The following CRY1 variants were observed in gnomAD, a reference collection of about 807,000 sequenced individuals.
CRY1 encodes cryptochrome circadian regulator 1, also known as cryptochrome-1.
In CRY1, 45 loss-of-function variants were observed where a neutral mutation model predicts 76.0. The observed-to-expected ratio is 0.59, with a 90% CI of 0.47 to 0.76. The LOEUF (loss-of-function observed/expected upper bound fraction) is 0.76, where lower values mean the gene tolerates loss of function less well. Among genes scored for constraint, CRY1 ranks in the 30% least tolerant of loss-of-function variants. CRY1 has a pLI of 0.00. For missense variants in CRY1, 587 were observed against 716.4 expected (o/e 0.82, Z 2.06); for synonymous variants, 248 against 244.0 (o/e 1.02, Z -0.15).
intron 1 of CRY1, among the ~76,000 whole-genome samples, chr12:107,026,114 ATATATAT>A (rs1353422648): frequency 2.3e-5 from 1 of 42,732 alleles, no homozygotes; most frequent in Non-Finnish European, 5.1e-5. Context: ...TATATAAAAT[ATATATAT>A]TATATATAAT....
intron 2 of CRY1, among the ~76,000 whole-genome samples, chr12:107,010,305 T>C (rs1444711055): frequency 1.3e-5 from 2 of 152,190 alleles, no homozygotes; most frequent in Admixed American, 1.3e-4. Flanking sequence ...ATCAATTTTA[T>C]TAATGTTTTC....
At chr12:107,035,711 T>C (rs914804838) in intron 1 of CRY1, among the ~76,000 whole-genome samples, 2 of 152,196 alleles carry the variant, frequency 1.3e-5, no homozygotes, top group East Asian at 1.9e-4. Context: ...ATAATTTTTA[T>C]GGAGAAAACT....
intron 1 of CRY1, among the ~76,000 whole-genome samples, chr12:107,070,468 A>G (rs1565843047): frequency 2.6e-5 from 4 of 152,180 alleles, no homozygotes; most frequent in East Asian, 3.8e-4. Context: ...ATATTAGAAT[A>G]TAACCACAAT....
chr12:107,009,561 A>AAATATATAT (rs1952417379), intron 2 of CRY1, among the ~76,000 whole-genome samples: 1 of 27,532 alleles, frequency 3.6e-5, no homozygotes, highest in African/African-American at 1.0e-4. Flanking sequence ...AAAACAAAAA[A>AAATATATAT]ACATATATAT....
At chr12:107,023,184 A>G (rs1952576699) in intron 1 of CRY1, among the ~76,000 whole-genome samples, 1 of 152,176 alleles carries the variant, frequency 6.6e-6, no homozygotes, top group Non-Finnish European at 1.5e-5. Context: ...TGCCTTTTTC[A>G]CAGGCCACAT....
chr12:107,074,244 T>C (rs1593539881), intron 1 of CRY1, among the ~76,000 whole-genome samples: 1 of 152,136 alleles, frequency 6.6e-6, no homozygotes, highest in Non-Finnish European at 1.5e-5. Context: ...TCTGACCCCA[T>C]ACCATACATA....
chr12:107,013,795 C>T lies in CRY1; in HGVS notation c.267+8289G>A, dbSNP rs564156635. ...AGAACTTCATATTTTTTTAAAACTC[C>T]GTTTAAAATAAGCTATTTTAAAAGA... On this transcript the variant is annotated intron_variant, in intron 2 of 12. Transcript: ENST00000008527. Among the ~76,000 whole-genome samples, 5 of 151,964 alleles carry T rather than the reference C, an allele frequency of 3.3e-5. No homozygotes were observed. In the South Asian group the frequency reaches 6.2e-4, roughly 19 times the overall value.
Position 107,034,410 on chromosome 12 carries a change from C to A in CRY1, c.159-12218G>T, listed in dbSNP as rs185817363. Among the ~76,000 whole-genome samples the A allele has an allele frequency of 2.9e-3, 443 of 152,190 alleles. 3 individuals carry two copies. Among genetic ancestry groups the A allele is most frequent in the Middle Eastern group, 0.017 (5 of 294 alleles). On this transcript the variant is annotated intron_variant, in intron 1 of 12. Transcript: ENST00000008527. ...ATACTCTTGACTGAGTATACTCAGT[C>A]AAGAAACCCATGATGCTGCTCTGTC...
chr12:107,066,161 C>T (rs1419994402), intron 1 of CRY1, among the ~76,000 whole-genome samples: 1 of 152,212 alleles, frequency 6.6e-6, no homozygotes, highest in Non-Finnish European at 1.5e-5. Context: ...TAGTCCGAAA[C>T]TGGGAAAGTG....
intron 7 of CRY1, among the ~76,000 whole-genome samples, chr12:106,998,659 A>AACACACACACACACACACAC (rs10522970): frequency 8.8e-4 from 126 of 143,432 alleles, no homozygotes; most frequent in Middle Eastern, 3.5e-3. Flanking sequence ...TAAGAGATTA[A>AACACACACACACACACACAC]ACACACACAC....
chr12:107,059,957 T>C (rs1487436661), intron 1 of CRY1, among the ~76,000 whole-genome samples: 5 of 152,244 alleles, frequency 3.3e-5, no homozygotes, highest in Admixed American at 1.3e-4. Context: ...ATGTGTGATA[T>C]AAATAAATAT....
chr12:107,020,549 T>C (rs1952544436), intron 2 of CRY1, among the ~76,000 whole-genome samples: 1 of 151,934 alleles, frequency 6.6e-6, no homozygotes, highest in Admixed American at 6.6e-5. Flanking sequence ...TTTTTGTTTT[T>C]TTTAAAGTGT....
At chr12:107,055,357 C>T (rs1952970830) in intron 1 of CRY1, among the ~76,000 whole-genome samples, 2 of 151,724 alleles carry the variant, frequency 1.3e-5, no homozygotes, top group South Asian at 4.2e-4. Context: ...ATATTTTGAA[C>T]TGAATAATGA....
intron 1 of CRY1, among the ~76,000 whole-genome samples, chr12:107,079,317 T>C (rs940537414): frequency 1.3e-5 from 2 of 152,162 alleles, no homozygotes; most frequent in Non-Finnish European, 2.9e-5. Flanking sequence ...TTTGCTGAGA[T>C]AAATGCCATT....
rs1173649439 is a variant in CRY1 at position 106,993,020 on chromosome 12, A to G, written c.1602T>C (p.Ser534=). ...CGCCATGAGCATAGTGTAAAATACC[A>G]CTCCCTTGAGAGCAACCTGTTAGTA... ...CSSSGSCSQG[S]GILHYAHGDS... is the part of the protein sequence containing the mutation. Residue 534 remains serine (S), a synonymous_variant, in exon 11 of 13, where the codon AGT becomes AGC. Coordinates refer to ENST00000008527, the MANE Select transcript of CRY1 (RefSeq NM_004075.5). 52 of 1,613,778 alleles carry G rather than the reference A, an allele frequency of 3.2e-5. No individual in the cohort carries two copies. Among genetic ancestry groups the G allele is most frequent in the Non-Finnish European group, 4.2e-5 (50 of 1,179,888 alleles).
intron 1 of CRY1, among the ~76,000 whole-genome samples, chr12:107,059,175 T>A (rs570176625): frequency 6.6e-6 from 1 of 152,374 alleles, no homozygotes; most frequent in Admixed American, 6.5e-5. Flanking sequence ...TAATATTTTC[T>A]AGTCTATTTC....
chr12:107,013,360 A>AT (rs1173468436), intron 2 of CRY1, among the ~76,000 whole-genome samples: 3 of 152,324 alleles, frequency 2.0e-5, no homozygotes, highest in East Asian at 1.9e-4. Context: ...GATCACTAGC[A>AT]TTTTTTTAGC....
chr12:107,007,020 A>C (rs904489218), intron 2 of CRY1, among the ~76,000 whole-genome samples: 4 of 152,210 alleles, frequency 2.6e-5, no homozygotes, highest in African/African-American at 9.7e-5. Flanking sequence ...CTTTCTTAAA[A>C]GTCCTGAAAA....
At chr12:106,996,005 G>A (rs1367175008) in intron 10 of CRY1, among the ~76,000 whole-genome samples, 1 of 152,068 alleles carries the variant, frequency 6.6e-6, no homozygotes, top group Non-Finnish European at 1.5e-5. Flanking sequence ...TACCACGCCC[G>A]GCCAATTTTG....
Sources: allele counts gnomAD v4.1 joint callset (sites outside exome capture counted in the v4.1 genomes callset), GRCh38; gene constraint gnomAD v4.1.1; transcripts MANE v1.5; gene names NCBI Gene and HGNC (gene_info 2026-07-23, HGNC 2026-07-21).